Variants in DYSF observed in about 807,000 individuals in gnomAD.
DYSF encodes dystrophy-associated fer-1-like 1.
In DYSF, 212 loss-of-function variants were observed where a neutral mutation model predicts 274.9. That is an observed-to-expected ratio of 0.77 (90% CI 0.69 to 0.86). The LOEUF (loss-of-function observed/expected upper bound fraction) is 0.86, where lower values mean the gene tolerates loss of function less well. Among genes scored for constraint, DYSF ranks in the 40% least tolerant of loss-of-function variants. The pLI is 0.00. For missense variants in DYSF, 2,666 were observed against 2,783.2 expected (o/e 0.96, Z 0.95); for synonymous variants, 1,091 against 1,078.7 (o/e 1.01, Z -0.22).
chr2:71,638,976 A>G (rs1444263371), intron 41 of DYSF, among the ~76,000 whole-genome samples: 2 of 152,172 alleles, frequency 1.3e-5, no homozygotes, highest in Non-Finnish European at 2.9e-5. Flanking sequence ...CAATTTCTCT[A>G]TGTCTTCACC....
At chr2:71,610,956 G>A (rs2093745232) in intron 36 of DYSF, 2 of 470,584 alleles carry the variant, frequency 4.3e-6, no homozygotes, top group Non-Finnish European at 7.9e-6. Flanking sequence ...GCAGCTCAGG[G>A]GGCATCAGAG....
chr2:71,656,836 C>T (rs533612496), intron 43 of DYSF, among the ~76,000 whole-genome samples: 2 of 152,120 alleles, frequency 1.3e-5, no homozygotes, highest in African/African-American at 4.8e-5. Context: ...CCTCCTGGGT[C>T]CCTCCCCCAA....
intron 1 of DYSF, among the ~76,000 whole-genome samples, chr2:71,468,046 C>A (rs1382358163): frequency 6.6e-6 from 1 of 152,134 alleles, no homozygotes; most frequent in African/African-American, 2.4e-5. Flanking sequence ...ATATGTATTC[C>A]TCTTTTGAAA....
intron 52 of DYSF, among the ~76,000 whole-genome samples, chr2:71,677,054 G>T (rs1477637977): frequency 6.6e-6 from 1 of 152,134 alleles, no homozygotes; most frequent in Non-Finnish European, 1.5e-5. Context: ...ATATGGGTGG[G>T]TGGAGCATAG....
chr2:71,613,318 G>T lies in DYSF; in HGVS notation c.4388-16G>T, dbSNP rs2093809678. On this transcript the variant is annotated splice_polypyrimidine_tract_variant and intron_variant, in intron 39 of 55. Coordinates refer to ENST00000410020, the MANE Select transcript of DYSF (RefSeq NM_001130987.2). The stretch of plus-strand genomic sequence containing the variant: ...AGAGAGCCCCTCTCAGGCCTGGATG[G>T]CTCCCTCCCCTGCAGACGATGTGAG... 6.2e-7 allele frequency: 1 copy of T among 1,608,558 alleles called. No homozygotes were observed.
intron 1 of DYSF, among the ~76,000 whole-genome samples, chr2:71,455,742 A>G (rs1187312409): frequency 1.4e-4 from 21 of 152,054 alleles, no homozygotes; most frequent in Admixed American, 1.4e-3. Context: ...TAGCCCCTGA[A>G]CCTGGGGGCT....
chr2:71,589,486 GCA>G (rs1354640554), intron 30 of DYSF, 105 bp from the exon 31 acceptor site: 3 of 882,752 alleles, frequency 3.4e-6, no homozygotes, highest in African/African-American at 1.6e-5. Context: ...TCAGCTTTCG[GCA>G]GCGGAGAGAT....
rs1363391128 is a variant in DYSF, at chr2:71,561,762, G to A, written c.2227G>A (p.Gly743Ser). 1.2e-6 allele frequency: 2 copies of A among 1,614,002 alleles called. No homozygotes were observed. The highest frequency in any genetic ancestry group is 4.5e-5 in the East Asian group (2 of 44,892). The change falls in exon 23 of 56, where the codon GGT becomes AGT. Residue 743 changes from glycine (G) to serine (S), a missense_variant. By Grantham distance (56) the Gly-to-Ser change is moderately conservative (BLOSUM62 0). Transcript: ENST00000410020. The stretch of plus-strand genomic sequence containing the variant: ...GTCCGTCCCTCACAGCCAGCCTCTG[G>A]GTGACATCCATGAGACACCCTCTGC... ...ELIAGCSQPL[G>S]DIHETPSATH... is the part of the protein sequence containing the mutation.
chr2:71,641,306 G>A (rs2094482216), intron 41 of DYSF, among the ~76,000 whole-genome samples: 1 of 150,768 alleles, frequency 6.6e-6, no homozygotes, highest in African/African-American at 2.4e-5. Flanking sequence ...AGCCTCCCGA[G>A]TAGCTGGGAC....
At chr2:71,545,432 C>A (rs913460988) in intron 17 of DYSF, among the ~76,000 whole-genome samples, 3 of 152,174 alleles carry the variant, frequency 2.0e-5, no homozygotes, top group Non-Finnish European at 4.4e-5. Flanking sequence ...CCTCTTCCTG[C>A]CCCAGCCCCT....
At chr2:71,603,166 T>C (rs2093584782) in intron 36 of DYSF, among the ~76,000 whole-genome samples, 1 of 152,172 alleles carries the variant, frequency 6.6e-6, no homozygotes, top group African/African-American at 2.4e-5. Flanking sequence ...GGAGGTGGCA[T>C]TAGTCAAATG....
intron 29 of DYSF, among the ~76,000 whole-genome samples, chr2:71,572,486 C>T (rs985262989): frequency 6.6e-6 from 1 of 152,258 alleles, no homozygotes; most frequent in African/African-American, 2.4e-5. Flanking sequence ...TTGTCTTAGG[C>T]TGGGTTTCCT....
chr2:71,570,769 G>C (rs774201012), intron 29 of DYSF, 28 bp downstream of exon 29: 6 of 1,612,488 alleles, frequency 3.7e-6, no homozygotes, highest in Middle Eastern at 1.6e-4. Context: ...GGGTGGGAGT[G>C]AGGCCTGTGG....
At chr2:71,653,005 T>C (rs1206655666) in intron 42 of DYSF, among the ~76,000 whole-genome samples, 1 of 152,218 alleles carries the variant, frequency 6.6e-6, no homozygotes, top group African/African-American at 2.4e-5. Flanking sequence ...ATGAAGACAT[T>C]GTAAGTATAA....
chr2:71,616,658 C>T (rs1217435724), intron 40 of DYSF, among the ~76,000 whole-genome samples: 1 of 152,044 alleles, frequency 6.6e-6, no homozygotes, highest in Non-Finnish European at 1.5e-5. Context: ...CCATCTAGTT[C>T]TCTGCTTTAG....
In DYSF at chr2:71,598,692, G is replaced by T. The variant is rs1392863221; in HGVS notation, c.3703G>T (p.Val1235Phe). Reference protein sequence around the residue: ...EIEIFGEPATVAEQPPSIVVE... With the variant: ...EIEIFGEPATFAEQPPSIVVE... Reference sequence around the variant, plus strand: ...CGAGATCTTTGGCGAGCCGGCCACAGTTGCTGAGCAACCGCCCAGCATTGT... The same window carrying T: ...CGAGATCTTTGGCGAGCCGGCCACATTTGCTGAGCAACCGCCCAGCATTGT... The change falls in exon 33 of 56, where the codon GTT becomes TTT. Residue 1235 changes from valine to phenylalanine, a missense_variant. Coordinates refer to ENST00000410020, the MANE Select transcript of DYSF (RefSeq NM_001130987.2). The T allele has an allele frequency of 1.9e-6, 3 of 1,613,832 alleles. No individual in the cohort carries two copies. Among genetic ancestry groups the T allele is most frequent in the Admixed American group, 3.3e-5 (2 of 60,012 alleles).
intron 3 of DYSF, among the ~76,000 whole-genome samples, chr2:71,490,089 GCCCGTATGGACA>G (rs773879057): frequency 1.0e-3 from 152 of 152,260 alleles, no homozygotes; most frequent in Non-Finnish European, 1.7e-3. Flanking sequence ...TATGTGCATG[GCCCGTATGGACA>G]CCCGGCTGTA....
intron 33 of DYSF, among the ~76,000 whole-genome samples, chr2:71,599,667 C>A (rs2093495733): frequency 6.6e-6 from 1 of 152,204 alleles, no homozygotes; most frequent in African/African-American, 2.4e-5. Flanking sequence ...CGGAAGAGAT[C>A]CACTGGGCGC....
intron 3 of DYSF, among the ~76,000 whole-genome samples, chr2:71,487,129 T>A (rs2083431369): frequency 6.6e-6 from 1 of 152,224 alleles, no homozygotes; most frequent in Non-Finnish European, 1.5e-5. Flanking sequence ...TGATCTGGAC[T>A]CTAGACCAGC....
Sources: allele counts gnomAD v4.1 joint callset (sites outside exome capture counted in the v4.1 genomes callset), GRCh38; gene constraint gnomAD v4.1.1; transcripts MANE v1.5; gene names NCBI Gene and HGNC (gene_info 2026-07-23, HGNC 2026-07-21).